SF3B3: variants seen among roughly 807,000 people sequenced by gnomAD.
The protein encoded by SF3B3 is splicing factor 3b subunit 3.
A neutral mutation model predicts 139.2 loss-of-function variants in SF3B3; 33 were observed. That is an observed-to-expected ratio of 0.24 (90% CI 0.18 to 0.32). The LOEUF is 0.32. SF3B3 is among the 10% of genes least tolerant of loss of function. The pLI is 1.00. For synonymous variants in SF3B3, 596 were observed against 563.6 expected, an observed-to-expected ratio of 1.06 and a Z score of -0.81; for missense variants, 818 against 1,509.4, an observed-to-expected ratio of 0.54 and a Z score of 7.59.
rs931429334 is a variant in SF3B3, at chr16:70,573,240, C to T, written c.*1427C>T. 1.3e-5 allele frequency: 2 copies of T among 152,160 alleles called. No individual in the cohort carries two copies. The highest frequency in any genetic ancestry group is 2.9e-5 in the Non-Finnish European group (2 of 68,032). The allele number at this position is 152,160 out of a possible 1,614,324, so 9.4% of individuals were successfully genotyped here. A position where few individuals can be genotyped will look rare whatever the true frequency, so the allele number is the denominator to read the frequency against. On this transcript the variant is annotated 3_prime_UTR_variant, in exon 26 of 26. Transcript: ENST00000302516. The stretch of plus-strand genomic sequence containing the variant: ...TTAGCTCATGAATTTGCATAGTAGA[C>T]AGTAGTTCTGAATTAGATTTTGAAA...
At chr16:70,566,653 T>A (rs2050479851) in intron 20 of SF3B3, among the ~76,000 whole-genome samples, 1 of 152,204 alleles carries the variant, frequency 6.6e-6, no homozygotes, top group South Asian at 2.1e-4. Flanking sequence ...TTCTCCACAA[T>A]GACAGCATGT....
At chr16:70,544,632 G>T in intron 10 of SF3B3, 99 bp downstream of exon 10, 1 of 715,952 alleles carries the variant, frequency 1.4e-6, no homozygotes, top group Non-Finnish European at 2.5e-6. Flanking sequence ...CATAGTTAAG[G>T]TGTCTGTGAA....
intron 5 of SF3B3, among the ~76,000 whole-genome samples, chr16:70,533,100 A>T (rs1339351635): frequency 6.6e-6 from 1 of 152,252 alleles, no homozygotes; most frequent in Non-Finnish European, 1.5e-5. Flanking sequence ...AAATTGAAGC[A>T]GTAGTCCAAA....
rs553161713 is a variant in SF3B3, at chr16:70,548,012, T to C, written c.1330-358T>C. On this transcript the variant is annotated intron_variant, in intron 10 of 25. Coordinates refer to ENST00000302516, the MANE Select transcript of SF3B3 (RefSeq NM_012426.5). ...TTGGTCCACATGGGATTTGGCCTTA[T>C]GGGAGCTGGGGAAAGAAAGGGGATG... Among the ~76,000 whole-genome samples, 4 of 152,270 alleles carry C rather than the reference T, an allele frequency of 2.6e-5. No individual in the cohort carries two copies. The South Asian group carries it at 8.3e-4, about 32-fold the overall frequency.
In SF3B3 at chr16:70,572,039, A is replaced by G. The variant is rs1212446411; in HGVS notation, c.*226A>G. On this transcript the variant is annotated 3_prime_UTR_variant, in exon 26 of 26. Coordinates refer to ENST00000302516, the MANE Select transcript of SF3B3 (RefSeq NM_012426.5). Reference sequence around the variant, plus strand: ...CTTCTCCCCACCTGGTACATGATACATGACCCCAGGTTCCAGTGTAGAACC... The same window carrying G: ...CTTCTCCCCACCTGGTACATGATACGTGACCCCAGGTTCCAGTGTAGAACC... The G allele has an allele frequency of 1.5e-6, 1 of 670,158 alleles. No homozygotes were observed. Among genetic ancestry groups the G allele is most frequent in the Admixed American group, 2.1e-5 (1 of 47,604 alleles). 41.5% of individuals were successfully genotyped at this position (670,158 alleles called of 1,614,324 possible). A position where few individuals can be genotyped will look rare whatever the true frequency, so the allele number is the denominator to read the frequency against.
intron 4 of SF3B3, among the ~76,000 whole-genome samples, chr16:70,531,340 G>A (rs1055078663): frequency 2.0e-5 from 3 of 151,896 alleles, no homozygotes; most frequent in African/African-American, 4.8e-5. Flanking sequence ...GTCTTGCTCT[G>A]TTGCCCAGGC....
At chr16:70,548,957 G>C (rs762417558) in intron 11 of SF3B3, among the ~76,000 whole-genome samples, 1 of 152,182 alleles carries the variant, frequency 6.6e-6, no homozygotes, top group Non-Finnish European at 1.5e-5. Context: ...GAAAAGCGGG[G>C]ATGGGGAAGG....
At chr16:70,570,248 A>G (rs2050515530) in intron 24 of SF3B3, 99 bp downstream of exon 24, 1 of 1,181,578 alleles carries the variant, frequency 8.5e-7, no homozygotes, top group South Asian at 1.4e-5. Context: ...ACATATAATT[A>G]ATAATGTTCT....
chr16:70,562,913 C>A (rs2050442829), intron 17 of SF3B3, among the ~76,000 whole-genome samples: 1 of 152,102 alleles, frequency 6.6e-6, no homozygotes, highest in South Asian at 2.1e-4. Flanking sequence ...ACTGCAGCCC[C>A]AACTTCCTGG....
chr16:70,543,113 C>G lies in SF3B3; in HGVS notation c.1233+1279C>G, dbSNP rs538958962. On this transcript the variant is annotated intron_variant, in intron 9 of 25. Transcript: ENST00000302516. Reference sequence around the variant, plus strand: ...TAATGTGTGTAAATAGTTTATTCATCAAGAATAAAATTAGCCAGGCATGGT... The same window carrying G: ...TAATGTGTGTAAATAGTTTATTCATGAAGAATAAAATTAGCCAGGCATGGT... Among the ~76,000 whole-genome samples, 27 of 151,586 alleles carry G rather than the reference C, an allele frequency of 1.8e-4. No homozygotes were observed. In the South Asian group the frequency reaches 5.3e-3, roughly 30 times the overall value.
intron 18 of SF3B3, among the ~76,000 whole-genome samples, chr16:70,564,371 A>G (rs2050456284): frequency 6.6e-6 from 1 of 152,218 alleles, no homozygotes; most frequent in Non-Finnish European, 1.5e-5. Context: ...GACTCTATCA[A>G]AAGTTTAAAC....
intron 24 of SF3B3, among the ~76,000 whole-genome samples, chr16:70,570,665 T>C (rs1218433379): frequency 6.6e-6 from 1 of 152,196 alleles, no homozygotes; most frequent in Non-Finnish European, 1.5e-5. Context: ...CAGGGTTTGC[T>C]TCAGTCTGAT....
chr16:70,568,224 C>A lies in SF3B3; in HGVS notation c.2953-59C>A, dbSNP rs2050495383. The A allele has an allele frequency of 2.2e-6, 3 of 1,335,148 alleles. No homozygotes were observed. The East Asian group carries it at 7.0e-5, about 31-fold the overall frequency. The allele number at this position is 1,335,148 out of a possible 1,614,324, so 82.7% of individuals were successfully genotyped here. ...TATGTCATACGGAAAGCTGGGCTTT[C>A]TTTGGGTTCTGAACCCCAAGATTAC... On this transcript the variant is annotated intron_variant, in intron 21 of 25. Coordinates refer to ENST00000302516, the MANE Select transcript of SF3B3 (RefSeq NM_012426.5).
intron 9 of SF3B3, 148 bp downstream of exon 9, chr16:70,541,982 A>C (rs1266281947): frequency 1.5e-6 from 1 of 659,058 alleles, no homozygotes; most frequent in African/African-American, 1.8e-5. Context: ...ACCATTAATA[A>C]GTCCTCGGGC....
At chr16:70,532,702 T>A in intron 5 of SF3B3, 82 bp downstream of exon 5, 1 of 1,388,574 alleles carries the variant, frequency 7.2e-7, no homozygotes, top group South Asian at 1.2e-5. Flanking sequence ...CTTAAAGGGT[T>A]TGGGAATTAA....
Position 70,565,095 on chromosome 16 carries a change from C to T in SF3B3, c.2494C>T (p.Arg832Trp), listed in dbSNP as rs770591964. The change falls in exon 19 of 26, where the codon CGG becomes TGG. Residue 832 changes from arginine to tryptophan, a missense_variant. Physicochemically the swap from Arg to Trp is moderately radical, Grantham distance 101. Around this residue, in one of 14 missense-constraint regions of SF3B3, gnomAD observed 25 missense variants for 68.1 expected, o/e 0.37. Transcript: ENST00000302516. ...GGTGGAAGCAGCAGGGGAGGATGAG[C>T]GGGAGCTGGCCGCAGAGATGGCAGC... ...EMVEAAGEDE[R>W]ELAAEMAAAF... is the part of the protein sequence containing the mutation. 8 of 1,613,596 alleles carry T rather than the reference C, an allele frequency of 5.0e-6. No individual in the cohort carries two copies. The highest frequency in any genetic ancestry group is 6.8e-6 in the Non-Finnish European group (8 of 1,180,024).
intron 22 of SF3B3, 42 bp from the exon 23 acceptor site, chr16:70,569,001 G>A (rs2050503343): frequency 6.9e-7 from 1 of 1,454,528 alleles, no homozygotes; most frequent in African/African-American, 1.4e-5. Flanking sequence ...CAGGTGAGCA[G>A]GTCCGGGCCC....
rs904302390 is a variant in SF3B3 at position 70,572,984 on chromosome 16, A to G, written c.*1171A>G. 6.6e-6 allele frequency: 1 copy of G among 152,202 alleles called. No homozygotes were observed. The highest frequency in any genetic ancestry group is 1.5e-5 in the Non-Finnish European group (1 of 68,048). The allele number at this position is 152,202 out of a possible 1,614,324, so 9.4% of individuals were successfully genotyped here. A position where few individuals can be genotyped will look rare whatever the true frequency, so the allele number is the denominator to read the frequency against. On this transcript the variant is annotated 3_prime_UTR_variant, in exon 26 of 26. Coordinates refer to ENST00000302516, the MANE Select transcript of SF3B3 (RefSeq NM_012426.5). Reference sequence around the variant, plus strand: ...AAATGTAAAACTTTCTTTCGTCTGCATGTGCTCAGCCATCTAAATTGAGCA... The same window carrying G: ...AAATGTAAAACTTTCTTTCGTCTGCGTGTGCTCAGCCATCTAAATTGAGCA...
At chr16:70,543,250 G>A (rs2151783280) in intron 9 of SF3B3, among the ~76,000 whole-genome samples, 1 of 150,614 alleles carries the variant, frequency 6.6e-6, no homozygotes, top group South Asian at 2.1e-4. Context: ...TCTACTAAAA[G>A]AAATACAAAA....
Sources: gnomAD v4.1 joint callset for allele counts (sites outside exome capture counted in the v4.1 genomes callset) on GRCh38, gnomAD v4.1.1 for gene constraint, gnomAD v4.1.1 regional missense constraint, MANE v1.5 for transcripts, NCBI Gene and HGNC (gene_info 2026-07-23, HGNC 2026-07-21) for gene names.